The following NPM2 variants were observed in gnomAD, a reference collection of about 807,000 sequenced individuals.
NPM2 encodes nucleoplasmin-2.
NPM2 carries 25 observed loss-of-function variants against 32.0 expected under a neutral mutation model. The observed-to-expected ratio is 0.78, with a 90% CI of 0.57 to 1.09. The LOEUF is 1.09. Among genes scored for constraint, NPM2 ranks in the 50% least tolerant of loss-of-function variants. The pLI is 0.00. For missense variants in NPM2, 282 were observed against 259.9 expected, an observed-to-expected ratio of 1.08 and a Z score of -0.58; for synonymous variants, 111 against 94.2, an observed-to-expected ratio of 1.18 and a Z score of -1.04.
Position 22,024,983 on chromosome 8 carries a change from C to G in NPM2, c.-34+153C>G, listed in dbSNP as rs1028717645. 5 of 485,814 alleles carry G rather than the reference C, an allele frequency of 1.0e-5. No homozygotes were observed. The East Asian group carries it at 1.1e-4, about 11-fold the overall frequency. The allele number at this position is 485,814 out of a possible 1,614,324, so 30.1% of individuals were successfully genotyped here. A position where few individuals can be genotyped will look rare whatever the true frequency, so the allele number is the denominator to read the frequency against. On this transcript the variant is annotated intron_variant, in intron 2 of 9. Coordinates refer to ENST00000518119, the MANE Select transcript of NPM2 (RefSeq NM_001286680.2). The stretch of plus-strand genomic sequence containing the variant: ...AAGCCTGAGCTCGGTGGACAGCTCC[C>G]TCTCCCGTGAGTCCCGCTGTCCTGT...
Position 22,025,459 on chromosome 8 carries a change from C to G in NPM2, c.82C>G (p.Arg28Gly). The change falls in exon 4 of 10, where the codon CGG (arginine) becomes GGG (glycine). Residue 28 changes from arginine (R) to glycine (G), a missense_variant. Transcript: ENST00000518119. Reference sequence around the variant, plus strand: ...AGGCTGCGAGCTCAGTCAGGAGAGGCGGACTTGGACCTTCAGACCCCAGCT... The same window carrying G: ...AGGCTGCGAGCTCAGTCAGGAGAGGGGGACTTGGACCTTCAGACCCCAGCT... ...LWGCELSQERRTWTFRPQLEG... is the reference protein window; with the variant it reads ...LWGCELSQERGTWTFRPQLEG... 4 of 1,614,094 alleles carry G rather than the reference C, an allele frequency of 2.5e-6. No individual in the cohort carries two copies. The highest frequency in any genetic ancestry group is 3.4e-6 in the Non-Finnish European group (4 of 1,180,004).
intron 5 of NPM2, among the ~76,000 whole-genome samples, chr8:22,026,004 A>C (rs113373756): frequency 0.077 from 11,669 of 152,190 alleles, 736 homozygotes; most frequent in East Asian, 0.37. Context: ...GGGGTCCCCA[A>C]CTGCCGGGTC....
Position 22,025,732 on chromosome 8 carries a change from C to T in NPM2, c.230C>T (p.Pro77Leu), listed in dbSNP as rs756290241. 1.6e-5 allele frequency: 26 copies of T among 1,614,028 alleles called. No individual in the cohort carries two copies. The Middle Eastern group carries it at 2.0e-3, about 122-fold the overall frequency. The change falls in exon 5 of 10, where the codon CCG (proline) becomes CTG (leucine). Residue 77 changes from proline to leucine, a missense_variant. By Grantham distance (98) the Pro-to-Leu change is moderately conservative. Coordinates refer to ENST00000518119, the MANE Select transcript of NPM2 (RefSeq NM_001286680.2). ...PANQEDKKMQ[P>L]VTIASLQASV... ...AACCAGGAGGACAAGAAGATGCAGC[C>T]GGTCACCATTGCCTCACTCCAGGCC...
chr8:22,035,334 C>T (rs1220623045), intron 8 of NPM2, among the ~76,000 whole-genome samples: 1 of 152,180 alleles, frequency 6.6e-6, no homozygotes, highest in East Asian at 1.9e-4. Context: ...AGTGTGATGG[C>T]ACAATCATGG....
At chr8:22,032,795 A>G (rs894894319) in intron 5 of NPM2, among the ~76,000 whole-genome samples, 2 of 152,012 alleles carry the variant, frequency 1.3e-5, no homozygotes, top group African/African-American at 4.8e-5. Flanking sequence ...CCCCAAACCT[A>G]ATGACCTCCC....
intron 5 of NPM2, among the ~76,000 whole-genome samples, chr8:22,026,487 C>T (rs1472417421): frequency 2.3e-5 from 3 of 128,352 alleles, no homozygotes; most frequent in Non-Finnish European, 4.7e-5. Flanking sequence ...TGGAGTTTCA[C>T]TCTGTCACCC....
chr8:22,027,998 A>G (rs1488498924), intron 5 of NPM2, among the ~76,000 whole-genome samples: 1 of 152,022 alleles, frequency 6.6e-6, no homozygotes, highest in Non-Finnish European at 1.5e-5. Context: ...ACATCTCATC[A>G]TCTTCCCTGC....
chr8:22,030,790 C>T (rs370620641), intron 5 of NPM2, among the ~76,000 whole-genome samples: 5 of 152,078 alleles, frequency 3.3e-5, no homozygotes, highest in Admixed American at 1.3e-4. Context: ...AGCGATCTTC[C>T]GGCCTCAGCC....
intron 5 of NPM2, among the ~76,000 whole-genome samples, chr8:22,027,603 CTTTT>C (rs542386619): frequency 7.0e-6 from 1 of 143,254 alleles, no homozygotes; most frequent in Admixed American, 7.1e-5. Context: ...AGACAAAGCT[CTTTT>C]TTTTTTTTTT....
At chr8:22,027,176 T>C (rs1462506401) in intron 5 of NPM2, among the ~76,000 whole-genome samples, 3 of 152,140 alleles carry the variant, frequency 2.0e-5, no homozygotes, top group Non-Finnish European at 2.9e-5. Context: ...TAAGTGATAG[T>C]ATTTAGGTGT....
chr8:22,028,623 C>G (rs1800335377), intron 5 of NPM2, among the ~76,000 whole-genome samples: 1 of 152,006 alleles, frequency 6.6e-6, no homozygotes. Flanking sequence ...AGCCACTATG[C>G]CCAGCCAAAA....
chr8:22,029,345 C>A (rs180860155), intron 5 of NPM2, among the ~76,000 whole-genome samples: 1 of 151,910 alleles, frequency 6.6e-6, no homozygotes, highest in Non-Finnish European at 1.5e-5. Context: ...GGATTCACCA[C>A]GTTGGCCAGG....
At position 22,036,612 on chromosome 8, in the gene NPM2, C is replaced by A. The variant is rs889789838; in HGVS notation, c.601-26C>A. ...CCTGGTATGGAGAAGGGAACGGGAC[C>A]CTGGAGCCCTGCCTTCCCTCCACAG... On this transcript the variant is annotated intron_variant, in intron 9 of 9. Transcript: ENST00000518119. 5 of 1,552,638 alleles carry A rather than the reference C, an allele frequency of 3.2e-6. No homozygotes were observed. The African/African-American group carries it at 6.8e-5, about 21-fold the overall frequency.
intron 7 of NPM2, 87 bp downstream of exon 7, chr8:22,034,362 G>T (rs1297507439): frequency 2.1e-6 from 3 of 1,430,612 alleles, no homozygotes; most frequent in Admixed American, 2.1e-5. Flanking sequence ...GCCTGGGCCA[G>T]CCTCCCAGAA....
intron 2 of NPM2, 23 bp from the exon 3 acceptor site, chr8:22,025,193 T>C: frequency 6.3e-7 from 1 of 1,585,080 alleles, no homozygotes; most frequent in Non-Finnish European, 8.6e-7. Flanking sequence ...GAGCAAGGCC[T>C]CACGCGGGCG....
In NPM2 at chr8:22,024,393, C is replaced by T. The variant is rs868192765; in HGVS notation, c.-371C>T. ...AGCTTCCTGCCGGCTGCAGGCCTCC[C>T]TTCCTAAGCTGAGCTGAGGCTTCCT... On this transcript the variant is annotated 5_prime_UTR_variant, in exon 1 of 10. Transcript: ENST00000518119. 1 of 152,484 alleles carries T rather than the reference C, an allele frequency of 6.6e-6. No homozygotes were observed. The highest frequency in any genetic ancestry group is 2.4e-5 in the African/African-American group (1 of 41,480). The allele number at this position is 152,484 out of a possible 1,614,324, so 9.4% of individuals were successfully genotyped here. A position where few individuals can be genotyped will look rare whatever the true frequency, so the allele number is the denominator to read the frequency against.
At position 22,036,365 on chromosome 8, in the gene NPM2, G is replaced by T. The variant is rs887620837; in HGVS notation, c.567-128G>T. ...ACATCCCTTTGTTTAAAGAGTCCGA[G>T]TGGTCCCCAGGAGGAGCAGCCAGGC... On this transcript the variant is annotated intron_variant, in intron 8 of 9. Coordinates refer to ENST00000518119, the MANE Select transcript of NPM2 (RefSeq NM_001286680.2). 3 of 816,338 alleles carry T rather than the reference G, an allele frequency of 3.7e-6. No individual in the cohort carries two copies. In the African/African-American group the frequency reaches 5.2e-5, roughly 14 times the overall value. 50.6% of individuals were successfully genotyped at this position (816,338 alleles called of 1,614,324 possible).
At chr8:22,029,051 A>AT (rs1207977536) in intron 5 of NPM2, among the ~76,000 whole-genome samples, 1 of 151,898 alleles carries the variant, frequency 6.6e-6, no homozygotes. Context: ...TTTATCTTTA[A>AT]TTTTTTTAAC....
chr8:22,034,030 C>T (rs1386319002), intron 6 of NPM2, 79 bp from the exon 7 acceptor site: 39 of 1,526,826 alleles, frequency 2.6e-5, no homozygotes, highest in South Asian at 6.5e-5. Context: ...TGGAGCAACA[C>T]GGATCACAGA....
Sources: allele counts gnomAD v4.1 joint callset (sites outside exome capture counted in the v4.1 genomes callset), GRCh38; gene constraint gnomAD v4.1.1; transcripts MANE v1.5; gene names NCBI Gene and HGNC (gene_info 2026-07-23, HGNC 2026-07-21).